Variants in RDH13 observed in about 807,000 individuals in gnomAD.
RDH13 encodes retinol dehydrogenase 13 (all-trans and 9-cis).
RDH13 carries 35 observed loss-of-function variants against 28.3 expected under a neutral mutation model. That is an observed-to-expected ratio of 1.24 (90% CI 0.95 to 1.64). The LOEUF is 1.64. Among genes scored for constraint, RDH13 ranks in the 40% most tolerant of loss-of-function variants. The probability of loss-of-function intolerance (pLI) is 0.00; values close to 1 mark genes in which losing one functional copy is unlikely to be tolerated. For missense variants in RDH13, 514 were observed against 446.3 expected, an observed-to-expected ratio of 1.15 and a Z score of -1.37; for synonymous variants, 229 against 198.5, an observed-to-expected ratio of 1.15 and a Z score of -1.29.
At chr19:55,066,653 CTT>C (rs904384733), upstream of RDH13, among the ~76,000 whole-genome samples, 4 of 148,572 alleles carry the variant, frequency 2.7e-5, no homozygotes, top group Admixed American at 6.7e-5. Flanking sequence ...CCCTCTTTCT[CTT>C]TCTCTCTCTC....
chr19:55,061,112 C>CTTTA lies in RDH13; in HGVS notation c.66-1841_66-1838dup, dbSNP rs547084308. On this transcript the variant is annotated intron_variant, in intron 1 of 6. Transcript: ENST00000415061. ...ACCTGCATCCTCACTGGAACCTCTC[C>CTTTA]TTTATTTATTTATTTATTTACTTAT... Among the ~76,000 whole-genome samples the CTTTA allele has an allele frequency of 6.9e-3, 1,049 of 152,038 alleles. 10 individuals are homozygous for CTTTA. Among genetic ancestry groups the CTTTA allele is most frequent in the African/African-American group, 0.024 (999 of 41,452 alleles).
intron 5 of RDH13, 53 bp from the exon 6 acceptor site, chr19:55,047,541 G>C: frequency 1.3e-6 from 2 of 1,548,822 alleles, no homozygotes; most frequent in Non-Finnish European, 1.7e-6. Flanking sequence ...TCACCTGGGA[G>C]GCTGTGGCAG....
intron 3 of RDH13, among the ~76,000 whole-genome samples, chr19:55,055,306 C>T (rs978869669): frequency 6.6e-6 from 1 of 151,960 alleles, no homozygotes; most frequent in African/African-American, 2.4e-5. Context: ...GTGTGCACCA[C>T]CACGCCTGGC....
rs2075333214 is a variant in RDH13, at chr19:55,048,853, C to G, written c.341-90G>C. 5.2e-6 allele frequency: 6 copies of G among 1,152,628 alleles called. No homozygotes were observed. The South Asian group carries it at 5.3e-5, about 10-fold the overall frequency. 71.4% of individuals were successfully genotyped at this position (1,152,628 alleles called of 1,614,324 possible). ...AGAAACACTCCTGTGCTCCCACAAC[C>G]TGTGAATGTGGCCTGTGCCGGAAAC... is the stretch of plus-strand genomic sequence containing the variant. On this transcript the variant is annotated intron_variant, in intron 3 of 6. Transcript: ENST00000415061.
chr19:55,048,564 G>C (rs1257669596), intron 4 of RDH13, 23 bp from the exon 5 acceptor site: 3 of 1,613,040 alleles, frequency 1.9e-6, no homozygotes, highest in Non-Finnish European at 2.5e-6. Flanking sequence ...TGATGAAAAG[G>C]TCACTTTTGA....
At chr19:55,051,192 G>A (rs2075419432) in intron 3 of RDH13, among the ~76,000 whole-genome samples, 1 of 152,180 alleles carries the variant, frequency 6.6e-6, no homozygotes, top group Admixed American at 6.6e-5. Flanking sequence ...TTCCACTCGT[G>A]AGAGAATCTA....
Position 55,050,179 on chromosome 19 carries a change from C to T in RDH13, c.341-1416G>A, listed in dbSNP as rs893065942. ...TCACCCAGGCTGGAGTGCAATGGTG[C>T]GATCTTGGCTCACTGCAACCTCTGC... On this transcript the variant is annotated intron_variant, in intron 3 of 6. Transcript: ENST00000415061. Among the ~76,000 whole-genome samples the T allele has an allele frequency of 3.3e-5, 5 of 150,902 alleles. No individual in the cohort carries two copies. The East Asian group carries it at 5.8e-4, about 18-fold the overall frequency.
At chr19:55,067,012 T>A (rs1654464), upstream of RDH13, among the ~76,000 whole-genome samples, 397 of 152,102 alleles carry the variant, frequency 2.6e-3, 3 homozygotes, top group Non-Finnish European at 4.0e-3. Context: ...AAAATAGATA[T>A]GATCCTTGTC....
downstream of RDH13, among the ~76,000 whole-genome samples, chr19:55,043,726 T>C (rs1807186327): frequency 6.6e-6 from 1 of 152,138 alleles, no homozygotes; most frequent in Admixed American, 6.6e-5. Flanking sequence ...ATCTCAAATA[T>C]GAAAACATGT....
chr19:55,063,045 A>AAAGGCGT lies in RDH13; in HGVS notation c.-14_-13insACGCCTT. On this transcript the variant is annotated 5_prime_UTR_variant, in exon 1 of 7. Transcript: ENST00000415061. ...GGTAGCGGCTCATGCCGGGCCGGGGACAGGCGTCAGGCGTCAGGGGTCGGC... is the reference window on the plus strand; with the variant it reads ...GGTAGCGGCTCATGCCGGGCCGGGGAAAGGCGTCAGGCGTCAGGCGTCAGGGGTCGGC... 1.6e-6 allele frequency: 2 copies of AAAGGCGT among 1,241,892 alleles called. No homozygotes were observed. Among genetic ancestry groups the AAAGGCGT allele is most frequent in the East Asian group, 7.6e-5 (2 of 26,274 alleles). 76.9% of individuals were successfully genotyped at this position (1,241,892 alleles called of 1,614,324 possible).
chr19:55,044,966 G>T lies in RDH13; in HGVS notation c.*108C>A. 2 of 828,150 alleles carry T rather than the reference G, an allele frequency of 2.4e-6. No individual in the cohort carries two copies. Among genetic ancestry groups the T allele is most frequent in the Non-Finnish European group, 3.8e-6 (2 of 532,758 alleles). The allele number at this position is 828,150 out of a possible 1,614,324, so 51.3% of individuals were successfully genotyped here. ...AGAACCTACTGCGGGCATGGCGGCC[G>T]CCAGTCCTGGGTCTCCCGGCTCAGG... On this transcript the variant is annotated 3_prime_UTR_variant, in exon 7 of 7. Transcript: ENST00000415061.
At position 55,061,558 on chromosome 19, in the gene RDH13, A is replaced by C. The variant is rs528944942; in HGVS notation, c.65+1410T>G. 2.7e-3 allele frequency among the ~76,000 whole-genome samples: 407 copies of C among 151,768 alleles called. 4 individuals are homozygous for C. Among genetic ancestry groups the C allele is most frequent in the African/African-American group, 9.5e-3 (392 of 41,392 alleles). Reference sequence around the variant, plus strand: ...GTAATCCCAGCACTTTGGGAGGCCAAGACAGGAGGATCACTTGAGGTCAGG... The same window carrying C: ...GTAATCCCAGCACTTTGGGAGGCCACGACAGGAGGATCACTTGAGGTCAGG... On this transcript the variant is annotated intron_variant, in intron 1 of 6. Coordinates refer to ENST00000415061, the MANE Select transcript of RDH13 (RefSeq NM_001145971.2).
intron 6 of RDH13, 87 bp from the exon 7 acceptor site, chr19:55,045,396 C>G (rs1442668946): frequency 9.6e-7 from 1 of 1,036,470 alleles, no homozygotes; most frequent in East Asian, 2.4e-5. Context: ...GCTCCGGGTC[C>G]CTGGAGTCCC....
At chr19:55,039,643 A>T (rs1245307194), downstream of RDH13, 1 of 150,716 alleles carries the variant, frequency 6.6e-6, no homozygotes, top group East Asian at 2.0e-4. Flanking sequence ...GCAGTTCAAG[A>T]CCAGCCTGGG....
upstream of RDH13, among the ~76,000 whole-genome samples, chr19:55,064,675 C>CGT (rs2075915320): frequency 6.7e-6 from 1 of 149,282 alleles, no homozygotes. Context: ...GAGCAGTGGG[C>CGT]GATCTCAGCT....
chr19:55,061,013 C>G (rs2075792756), intron 1 of RDH13, among the ~76,000 whole-genome samples: 1 of 152,100 alleles, frequency 6.6e-6, no homozygotes, highest in Admixed American at 6.6e-5. Flanking sequence ...CTTCTGGAGG[C>G]TCTAGGGAAG....
Position 55,063,036 on chromosome 19 carries a change from G to A in RDH13, c.-4C>T. 1.5e-6 allele frequency: 2 copies of A among 1,371,872 alleles called. No individual in the cohort carries two copies. Among genetic ancestry groups the A allele is most frequent in the Non-Finnish European group, 1.9e-6 (2 of 1,068,038 alleles). The allele number at this position is 1,371,872 out of a possible 1,614,324, so 85.0% of individuals were successfully genotyped here. ...GCGGCAGCAGGTAGCGGCTCATGCC[G>A]GGCCGGGGACAGGCGTCAGGCGTCA... On this transcript the variant is annotated 5_prime_UTR_variant, in exon 1 of 7. Coordinates refer to ENST00000415061, the MANE Select transcript of RDH13 (RefSeq NM_001145971.2).
At chr19:55,057,410 A>G (rs2147054187) in intron 2 of RDH13, among the ~76,000 whole-genome samples, 1 of 149,726 alleles carries the variant, frequency 6.7e-6, no homozygotes, top group East Asian at 2.0e-4. Flanking sequence ...TGGGAGGCCA[A>G]GGCAAGAGGA....
At chr19:55,068,846 AAAG>A (rs997793331) in intron 1 of RDH13, 2 of 130,420 alleles carry the variant, frequency 1.5e-5, no homozygotes, top group African/African-American at 5.9e-5. Context: ...GAAAGAAAGA[AAAG>A]AAAAGAAAAA....
Sources: allele counts gnomAD v4.1 joint callset (sites outside exome capture counted in the v4.1 genomes callset), GRCh38; gene constraint gnomAD v4.1.1; transcripts MANE v1.5; gene names NCBI Gene and HGNC (gene_info 2026-07-23, HGNC 2026-07-21).